The following SEPTIN5 variants were observed in gnomAD, a reference collection of about 807,000 sequenced individuals.
SEPTIN5 encodes the protein septin 5, also known as septin-5.
A neutral mutation model predicts 51.2 loss-of-function variants in SEPTIN5; 16 were observed. That is an observed-to-expected ratio of 0.31 (90% CI 0.21 to 0.47). The LOEUF is 0.47. SEPTIN5 is among the 20% of genes least tolerant of loss of function. The probability of loss-of-function intolerance (pLI) is 0.99; values close to 1 mark genes in which losing one functional copy is unlikely to be tolerated. For synonymous variants in SEPTIN5, 208 were observed against 191.2 expected, an observed-to-expected ratio of 1.09 and a Z score of -0.72; for missense variants, 376 against 500.3, an observed-to-expected ratio of 0.75 and a Z score of 2.37.
At position 19,714,518 on chromosome 22, in the gene SEPTIN5, C is replaced by A. The variant is rs1295666051; in HGVS notation, c.-71C>A. On this transcript the variant is annotated 5_prime_UTR_variant, in exon 1 of 12. Transcript: ENST00000455784. This position sits in a 1 kb window ranked among gnomAD's most constrained non-coding sequence, Gnocchi z 5.2. ...GGGGCCGCTCACCCCGCAGCCCGGCCTCGGCCTCCGCCGCTTGTCGTCGCG... is the reference window on the plus strand; with the variant it reads ...GGGGCCGCTCACCCCGCAGCCCGGCATCGGCCTCCGCCGCTTGTCGTCGCG... 2 of 1,146,980 alleles carry A rather than the reference C, an allele frequency of 1.7e-6. No individual in the cohort carries two copies. Among genetic ancestry groups the A allele is most frequent in the Non-Finnish European group, 2.2e-6 (2 of 904,228 alleles). The allele number at this position is 1,146,980 out of a possible 1,614,324, so 71.1% of individuals were successfully genotyped here. A position where few individuals can be genotyped will look rare whatever the true frequency, so the allele number is the denominator to read the frequency against.
In SEPTIN5 at chr22:19,720,551, T is replaced by C. The variant is rs149236663; in HGVS notation, c.500T>C (p.Leu167Pro). 1 of 1,613,130 alleles carries C rather than the reference T, an allele frequency of 6.2e-7. No individual in the cohort carries two copies. Among genetic ancestry groups the C allele is most frequent in the Non-Finnish European group, 8.5e-7 (1 of 1,180,010 alleles). ...CCACCCTTGGCTGCTCTCGGCAGGC[T>C]GCGGCCAGTGGATGTGGGTTTCATG... is the stretch of plus-strand genomic sequence containing the variant. ...LYFISPFGHG[L>P]RPVDVGFMKA... Residue 167 changes from leucine (L) to proline (P), a missense_variant and splice_region_variant, in exon 7 of 12, where the codon CTG becomes CCG. This residue lies in a region of SEPTIN5 where 287 missense variants were observed against 417.1 expected (regional missense o/e 0.69). Coordinates refer to ENST00000455784, the MANE Select transcript of SEPTIN5 (RefSeq NM_002688.6).
chr22:19,719,074 G>C, intron 2 of SEPTIN5: 1 of 354,500 alleles, frequency 2.8e-6, no homozygotes, highest in Non-Finnish European at 5.0e-6. Flanking sequence ...GCGGGGGCTG[G>C]GCGCCTGGGC....
At chr22:19,719,340 C>CCCCA in intron 2 of SEPTIN5, 1 of 437,566 alleles carries the variant, frequency 2.3e-6, no homozygotes. Flanking sequence ...CCTGACATCT[C>CCCCA]CCCACGGAAT....
chr22:19,714,799 C>T lies in SEPTIN5; in HGVS notation c.54+8C>T. On this transcript the variant is annotated splice_region_variant and intron_variant, in intron 2 of 11. Coordinates refer to ENST00000455784, the MANE Select transcript of SEPTIN5 (RefSeq NM_002688.6). This position sits in a 1 kb window ranked among gnomAD's most constrained non-coding sequence, Gnocchi z 5.2. ...CCCGCAGAGGACAAGCAGGTACGTG[C>T]GCAGCGCCGCTCCCCCGCCGGGAGA... 1 of 1,593,556 alleles carries T rather than the reference C, an allele frequency of 6.3e-7. No individual in the cohort carries two copies. Among genetic ancestry groups the T allele is most frequent in the Middle Eastern group, 1.7e-4 (1 of 5,864 alleles).
Position 19,720,773 on chromosome 22 carries a change from G to A in SEPTIN5, c.621G>A (p.Arg207=), listed in dbSNP as rs757382250. The change falls in exon 8 of 12, where the codon CGG becomes CGA. Residue 207 remains arginine, a synonymous_variant. Transcript: ENST00000455784. The part of the protein sequence containing the change: ...SEIRKLKERI[R]EEIDKFGIHV... ...TGGTCCTTGCCCCACCACAGATCCG[G>A]GAGGAGATTGACAAGTTTGGGATCC... is the stretch of plus-strand genomic sequence containing the variant. 3.1e-6 allele frequency: 5 copies of A among 1,613,398 alleles called. No homozygotes were observed. In the African/African-American group the frequency reaches 4.0e-5, roughly 13 times the overall value.
rs1657757747 is a variant in SEPTIN5 at position 19,716,838 on chromosome 22, C to T, written c.54+2047C>T. On this transcript the variant is annotated intron_variant, in intron 2 of 11. Coordinates refer to ENST00000455784, the MANE Select transcript of SEPTIN5 (RefSeq NM_002688.6). ...TCTGTCTTCCTGGAGATGCCCTGGG[C>T]CTGAGATGCCAGCCTGTCTGGGTGG... 2.0e-5 allele frequency among the ~76,000 whole-genome samples: 3 copies of T among 152,140 alleles called. No homozygotes were observed. The South Asian group carries it at 6.2e-4, about 32-fold the overall frequency.
rs758667080 is a variant in SEPTIN5, at chr22:19,720,680, C to T, written c.615+14C>T. The T allele has an allele frequency of 9.3e-6, 15 of 1,612,710 alleles. No individual in the cohort carries two copies. The highest frequency in any genetic ancestry group is 4.4e-5 in the South Asian group (4 of 91,074). The stretch of plus-strand genomic sequence containing the variant: ...CTGAAGGAGCGGGTGAGCCTGCCGT[C>T]GCACAGGGGCCTGGCCAGGGCCCTG... On this transcript the variant is annotated intron_variant, in intron 7 of 11. Coordinates refer to ENST00000455784, the MANE Select transcript of SEPTIN5 (RefSeq NM_002688.6).
rs377068754 is a variant in SEPTIN5, at chr22:19,720,845, C to T, written c.693C>T (p.Phe231=). ...GTGACTCGGACGAGGATGAGGACTT[C>T]AAGCAGCAGGACCGGGAACTGAAGG... ...PECDSDEDED[F]KQQDRELKES... Residue 231 remains phenylalanine (F), a synonymous_variant, in exon 8 of 12, where the codon TTC becomes TTT. Coordinates refer to ENST00000455784, the MANE Select transcript of SEPTIN5 (RefSeq NM_002688.6). 25 of 1,613,582 alleles carry T rather than the reference C, an allele frequency of 1.5e-5. No individual in the cohort carries two copies. Among genetic ancestry groups the T allele is most frequent in the Non-Finnish European group, 2.0e-5 (24 of 1,179,986 alleles).
intron 2 of SEPTIN5, chr22:19,719,135 G>T: frequency 3.9e-6 from 1 of 253,590 alleles, no homozygotes; most frequent in East Asian, 7.0e-5. Flanking sequence ...GCGCTGCTCC[G>T]CCACCGCCGC....
Position 19,722,442 on chromosome 22 carries a change from G to A in SEPTIN5, c.1068G>A (p.Gln356=), listed in dbSNP as rs1305869375. The A allele has an allele frequency of 6.2e-7, 1 of 1,602,194 alleles. No homozygotes were observed. Among genetic ancestry groups the A allele is most frequent in the Non-Finnish European group, 8.5e-7 (1 of 1,174,802 alleles). Residue 356 remains glutamine (Q), a synonymous_variant, in exon 12 of 12, where the codon CAG becomes CAA. Transcript: ENST00000455784. Reference sequence around the variant, plus strand: ...TCCGCCCGCAGCTGAGGCGCATGCAGGAGATGCTGCAGAGGATGAAGCAGC... The same window carrying A: ...TCCGCCCGCAGCTGAGGCGCATGCAAGAGATGCTGCAGAGGATGAAGCAGC... ...RMKDEELRRM[Q]EMLQRMKQQM... is the part of the protein sequence containing the mutation.
chr22:19,721,492 C>T lies in SEPTIN5; in HGVS notation c.718-148C>T, dbSNP rs1433173736. 6.8e-6 allele frequency: 6 copies of T among 876,272 alleles called. No homozygotes were observed. The Admixed American group carries it at 1.4e-4, about 20-fold the overall frequency. 54.3% of individuals were successfully genotyped at this position (876,272 alleles called of 1,614,324 possible). A position where few individuals can be genotyped will look rare whatever the true frequency, so the allele number is the denominator to read the frequency against. ...CTGGCTCCAGCCAGGGGCAGAGAGG[C>T]CAGAAAGGGGCAACGCCAGGATCTC... On this transcript the variant is annotated intron_variant, in intron 8 of 11. Coordinates refer to ENST00000455784, the MANE Select transcript of SEPTIN5 (RefSeq NM_002688.6).
In SEPTIN5 at chr22:19,719,865, A is replaced by C; in HGVS notation, c.211A>C (p.Lys71Gln). The C allele has an allele frequency of 6.2e-7, 1 of 1,613,004 alleles. No individual in the cohort carries two copies. The highest frequency in any genetic ancestry group is 8.5e-7 in the Non-Finnish European group (1 of 1,179,928). ...VHSLFLTDLYKDRKLLSAEER... is the reference protein window; with the variant it reads ...VHSLFLTDLYQDRKLLSAEER... ...CAGCCTCTTCCTGACAGACTTGTAC[A>C]AGGACCGGAAGCTGCTCAGTGCTGA... Residue 71 changes from lysine to glutamine, a missense_variant, in exon 4 of 12, where the codon AAG (lysine) becomes CAG (glutamine). By Grantham distance (53) the Lys-to-Gln change is moderately conservative. Around this residue, in one of 2 missense-constraint regions of SEPTIN5, gnomAD observed 287 missense variants for 417.1 expected, o/e 0.69. Coordinates refer to ENST00000455784, the MANE Select transcript of SEPTIN5 (RefSeq NM_002688.6).
Position 19,720,567 on chromosome 22 carries a change from G to T in SEPTIN5, c.516G>T (p.Val172=). 6.2e-7 allele frequency: 1 copy of T among 1,613,100 alleles called. No individual in the cohort carries two copies. The highest frequency in any genetic ancestry group is 8.5e-7 in the Non-Finnish European group (1 of 1,180,022). ...PFGHGLRPVD[V]GFMKALHEKV... ...TCGGCAGGCTGCGGCCAGTGGATGTGGGTTTCATGAAGGCATTGCATGAGA... is the reference window on the plus strand; with the variant it reads ...TCGGCAGGCTGCGGCCAGTGGATGTTGGTTTCATGAAGGCATTGCATGAGA... The change falls in exon 7 of 12, where the codon GTG becomes GTT. Residue 172 remains valine (V), a synonymous_variant. Transcript: ENST00000455784.
At position 19,714,906 on chromosome 22, in the gene SEPTIN5, CTGT is replaced by C; in HGVS notation, c.54+116_54+118del. The C allele has an allele frequency of 1.5e-6, 2 of 1,317,518 alleles. No homozygotes were observed. Among genetic ancestry groups the C allele is most frequent in the Non-Finnish European group, 2.0e-6 (2 of 978,670 alleles). 81.6% of individuals were successfully genotyped at this position (1,317,518 alleles called of 1,614,324 possible). On this transcript the variant is annotated intron_variant, in intron 2 of 11. Coordinates refer to ENST00000455784, the MANE Select transcript of SEPTIN5 (RefSeq NM_002688.6). The surrounding 1 kb of genome is among the most constrained non-coding windows in gnomAD (Gnocchi z 5.2). Reference sequence around the variant, plus strand: ...CGCCCCCGCCGGCCCTCACCCAGCCCTGTCGCGATCACCGATTGTCAGCCGGGC... The same window carrying C: ...CGCCCCCGCCGGCCCTCACCCAGCCCCGCGATCACCGATTGTCAGCCGGGC...
chr22:19,717,217 A>G, intron 2 of SEPTIN5: 1 of 445,216 alleles, frequency 2.2e-6, no homozygotes, highest in Non-Finnish European at 4.6e-6. Flanking sequence ...TCCAGCTTCT[A>G]ATGTTCTAAT....
chr22:19,719,280 C>G (rs1159754863), intron 2 of SEPTIN5, among the ~76,000 whole-genome samples: 1 of 152,294 alleles, frequency 6.6e-6, no homozygotes. Context: ...GGGTCCCAAT[C>G]CTGCTGCCCT....
chr22:19,721,346 C>T (rs911194042), intron 8 of SEPTIN5, among the ~76,000 whole-genome samples: 2 of 151,956 alleles, frequency 1.3e-5, no homozygotes, highest in African/African-American at 2.4e-5. Flanking sequence ...GACATAGGCT[C>T]AGCCCTGGGG....
intron 10 of SEPTIN5, 60 bp downstream of exon 10, chr22:19,722,017 C>G: frequency 6.4e-7 from 1 of 1,560,756 alleles, no homozygotes; most frequent in Non-Finnish European, 8.7e-7. Flanking sequence ...GTCTCCATAA[C>G]TGAGGGCCGG....
In SEPTIN5 at chr22:19,720,122, C is replaced by T. The variant is rs772670073; in HGVS notation, c.246C>T (p.Ile82=). ...DRKLLSAEER[I]SQTVEILKHT... ...GTGGCCCCTTCCCCGTAGAGCGCAT[C>T]AGCCAGACGGTAGAGATTCTAAAAC... The change falls in exon 5 of 12, where the codon ATC becomes ATT. Residue 82 remains isoleucine, a synonymous_variant. Transcript: ENST00000455784. The T allele has an allele frequency of 6.2e-7, 1 of 1,612,982 alleles. No individual in the cohort carries two copies. Among genetic ancestry groups the T allele is most frequent in the Non-Finnish European group, 8.5e-7 (1 of 1,180,018 alleles).
Sources: allele counts gnomAD v4.1 joint callset (sites outside exome capture counted in the v4.1 genomes callset), GRCh38; gene constraint gnomAD v4.1.1; regional missense constraint gnomAD v4.1.1; non-coding constraint Gnocchi (gnomAD v3.1); transcripts MANE v1.5; gene names NCBI Gene and HGNC (gene_info 2026-07-23, HGNC 2026-07-21).